FBXO11: variants seen among roughly 807,000 people sequenced by gnomAD.
FBXO11 encodes the protein F-box protein 11, also known as F-box only protein 11.
A neutral mutation model predicts 117.0 loss-of-function variants in FBXO11; 13 were observed. The ratio of observed to expected loss-of-function variants is 0.11; its 90% CI spans 0.07 to 0.18. FBXO11 has a LOEUF of 0.18. Ranked by LOEUF, FBXO11 falls within the 10% of genes least tolerant of loss-of-function variation. The pLI is 1.00. For missense variants in FBXO11, 767 were observed against 1,164.4 expected (o/e 0.66, Z 4.97); for synonymous variants, 490 against 380.5 (o/e 1.29, Z -3.35).
chr2:47,902,695 G>A (rs565000289), intron 1 of FBXO11, among the ~76,000 whole-genome samples: 2 of 151,968 alleles, frequency 1.3e-5, no homozygotes, highest in South Asian at 4.1e-4. Context: ...CAGACTTTTT[G>A]CCTGAAAACA....
intron 1 of FBXO11, among the ~76,000 whole-genome samples, chr2:47,877,589 T>C (rs776537963): frequency 2.6e-5 from 4 of 152,192 alleles, no homozygotes; most frequent in Non-Finnish European, 5.9e-5. Flanking sequence ...AGTTGCATGG[T>C]GTGTGTGTAT....
rs118015131 is a variant in FBXO11, at chr2:47,816,468, A to G, written c.2006+2311T>C. 1.4e-3 allele frequency among the ~76,000 whole-genome samples: 207 copies of G among 152,292 alleles called. 2 individuals carry two copies. The East Asian group carries it at 0.034, about 25-fold the overall frequency. ...AATGCTTGGATTACAGCACTTTTTCAGATCTCCTCCCAGGAATCATGAATG... is the reference window on the plus strand; with the variant it reads ...AATGCTTGGATTACAGCACTTTTTCGGATCTCCTCCCAGGAATCATGAATG... On this transcript the variant is annotated intron_variant, in intron 16 of 22. Transcript: ENST00000403359.
At chr2:47,834,984 T>G in intron 5 of FBXO11, 113 bp from the exon 6 acceptor site, 1 of 739,700 alleles carries the variant, frequency 1.4e-6, no homozygotes, top group South Asian at 1.9e-5. Context: ...AATTCTCAAC[T>G]ATTCCAAATA....
intron 1 of FBXO11, among the ~76,000 whole-genome samples, chr2:47,878,879 T>C (rs1558467001): frequency 6.6e-6 from 1 of 151,994 alleles, no homozygotes; most frequent in African/African-American, 2.4e-5. Context: ...CTCGAGAGGC[T>C]GAGGCAGGAG....
chr2:47,831,376 T>C (rs1334080119), intron 11 of FBXO11, among the ~76,000 whole-genome samples: 3 of 146,954 alleles, frequency 2.0e-5, no homozygotes, highest in South Asian at 2.1e-4. Flanking sequence ...GATCACACCA[T>C]TGCCATTGCA....
intron 16 of FBXO11, chr2:47,814,146 G>A: frequency 6.4e-6 from 2 of 313,006 alleles, no homozygotes; most frequent in South Asian, 7.5e-5. Context: ...TATGTAAAAT[G>A]AAGGACTGAA....
At chr2:47,824,889 T>C (rs966359706) in intron 11 of FBXO11, among the ~76,000 whole-genome samples, 3 of 152,202 alleles carry the variant, frequency 2.0e-5, no homozygotes, top group Non-Finnish European at 4.4e-5. Flanking sequence ...AAAAACGGAA[T>C]GTGCTTACTC....
chr2:47,835,578 A>T (rs1672493545), intron 5 of FBXO11, among the ~76,000 whole-genome samples: 1 of 152,010 alleles, frequency 6.6e-6, no homozygotes, highest in Non-Finnish European at 1.5e-5. Flanking sequence ...AGCTCTCTGC[A>T]ACTCTGCCTC....
At chr2:47,857,760 G>C (rs972106093) in intron 1 of FBXO11, among the ~76,000 whole-genome samples, 1 of 152,136 alleles carries the variant, frequency 6.6e-6, no homozygotes, top group Non-Finnish European at 1.5e-5. Flanking sequence ...GGAACTCAAA[G>C]TCATTGAATG....
rs1462990934 is a variant in FBXO11 at position 47,809,716 on chromosome 2, A to C, written c.2339-9T>G. 6.3e-7 allele frequency: 1 copy of C among 1,584,974 alleles called. No homozygotes were observed. Among genetic ancestry groups the C allele is most frequent in the Non-Finnish European group, 8.7e-7 (1 of 1,154,816 alleles). On this transcript the variant is annotated splice_polypyrimidine_tract_variant and intron_variant, in intron 19 of 22. Coordinates refer to ENST00000403359, the MANE Select transcript of FBXO11 (RefSeq NM_001190274.2). The stretch of plus-strand genomic sequence containing the variant: ...ATTTGTAATTTCAATACCTGAAGTA[A>C]AATTTACAAACAAGTAGATACATCA...
At chr2:47,826,243 G>A (rs916022954) in intron 11 of FBXO11, among the ~76,000 whole-genome samples, 1 of 151,878 alleles carries the variant, frequency 6.6e-6, no homozygotes, top group Admixed American at 6.6e-5. Flanking sequence ...ATTTTTAGTA[G>A]AGACAGGGTT....
intron 1 of FBXO11, among the ~76,000 whole-genome samples, chr2:47,901,344 AT>A (rs1353007720): frequency 6.6e-6 from 1 of 151,668 alleles, no homozygotes; most frequent in Non-Finnish European, 1.5e-5. Context: ...TCACAATTAG[AT>A]TTTCAGCACT....
chr2:47,877,554 GT>G (rs997707626), intron 1 of FBXO11, among the ~76,000 whole-genome samples: 23 of 152,082 alleles, frequency 1.5e-4, no homozygotes, highest in Admixed American at 4.6e-4. Flanking sequence ...TCGAATTTTT[GT>G]TTGGCAGGTT....
chr2:47,809,767 A>AAATT, intron 19 of FBXO11, 60 bp from the exon 20 acceptor site: 2 of 1,096,244 alleles, frequency 1.8e-6, no homozygotes, highest in Non-Finnish European at 2.8e-6. Context: ...TAAAAACCTG[A>AAATT]AATTAGCAAG....
intron 1 of FBXO11, among the ~76,000 whole-genome samples, chr2:47,895,350 A>G (rs1177092954): frequency 6.6e-6 from 1 of 152,248 alleles, no homozygotes; most frequent in African/African-American, 2.4e-5. Flanking sequence ...TGCTACAAGC[A>G]GCAATATGGA....
chr2:47,837,352 C>A (rs1672662645), intron 4 of FBXO11, among the ~76,000 whole-genome samples: 1 of 152,092 alleles, frequency 6.6e-6, no homozygotes, highest in African/African-American at 2.4e-5. Flanking sequence ...CATGGTGAAA[C>A]CCTGTCTCTA....
At chr2:47,811,668 C>T (rs951187303) in intron 18 of FBXO11, 1 of 152,206 alleles carries the variant, frequency 6.6e-6, no homozygotes, top group Non-Finnish European at 1.5e-5. Context: ...TCCTATATAA[C>T]TTACCTCAGT....
At chr2:47,855,328 T>C (rs1250232171) in intron 1 of FBXO11, among the ~76,000 whole-genome samples, 1 of 152,024 alleles carries the variant, frequency 6.6e-6, no homozygotes, top group Non-Finnish European at 1.5e-5. Context: ...TCAGCCTCCT[T>C]AAGTAGCTGG....
chr2:47,835,781 A>G, intron 5 of FBXO11, 91 bp downstream of exon 5: 2 of 1,002,078 alleles, frequency 2.0e-6, no homozygotes, highest in Non-Finnish European at 2.8e-6. Flanking sequence ...TACAGGTGTG[A>G]GCCACCACGC....
Sources: gnomAD v4.1 joint callset for allele counts (sites outside exome capture counted in the v4.1 genomes callset) on GRCh38, gnomAD v4.1.1 for gene constraint, MANE v1.5 for transcripts, NCBI Gene and HGNC (gene_info 2026-07-23, HGNC 2026-07-21) for gene names.